The following AGTPBP1 variants were observed in gnomAD, a reference collection of about 807,000 sequenced individuals.
The protein encoded by AGTPBP1 is cytosolic carboxypeptidase 1.
AGTPBP1 carries 70 observed loss-of-function variants against 143.9 expected under a neutral mutation model. The observed-to-expected ratio is 0.49, with a 90% CI of 0.40 to 0.59. The LOEUF is 0.59. Among genes scored for constraint, AGTPBP1 ranks in the 20% least tolerant of loss-of-function variants. The pLI is 0.00. For missense variants in AGTPBP1, 1,229 were observed against 1,464.5 expected, an observed-to-expected ratio of 0.84 and a Z score of 2.62; for synonymous variants, 463 against 500.2, an observed-to-expected ratio of 0.93 and a Z score of 0.99.
At chr9:85,659,178 T>A (rs1338328706) in intron 9 of AGTPBP1, among the ~76,000 whole-genome samples, 1 of 152,196 alleles carries the variant, frequency 6.6e-6, no homozygotes, top group East Asian at 1.9e-4. Flanking sequence ...CAGAGCTACA[T>A]GCAATCTGTG....
intron 2 of AGTPBP1, among the ~76,000 whole-genome samples, chr9:85,712,218 C>T (rs1239975058): frequency 6.6e-6 from 1 of 152,052 alleles, no homozygotes; most frequent in East Asian, 1.9e-4. Context: ...GAGCCGAGAT[C>T]GTGCCACTGC....
At chr9:85,650,005 A>C (rs112531765) in intron 11 of AGTPBP1, among the ~76,000 whole-genome samples, 12 of 130,080 alleles carry the variant, frequency 9.2e-5, no homozygotes, top group African/African-American at 3.5e-4. Flanking sequence ...ATCTTACCAG[A>C]TTGTGTTTTC....
chr9:85,769,913 C>T, the AGTPBP1 span, among the ~76,000 whole-genome samples: 1 of 152,262 alleles, frequency 6.6e-6, no homozygotes, highest in Non-Finnish European at 1.5e-5. Flanking sequence ...ATCCTGTGGG[C>T]TTAGGCTTTG....
intron 1 of AGTPBP1, among the ~76,000 whole-genome samples, chr9:85,734,552 A>G (rs1027843924): frequency 1.3e-5 from 2 of 152,226 alleles, no homozygotes; most frequent in African/African-American, 4.8e-5. Flanking sequence ...AAACTACAAG[A>G]TATCACTTCG....
At chr9:85,560,853 T>A (rs1826665891) in intron 25 of AGTPBP1, among the ~76,000 whole-genome samples, 2 of 152,130 alleles carry the variant, frequency 1.3e-5, no homozygotes, top group South Asian at 4.1e-4. Flanking sequence ...AGTGAAAAGA[T>A]CATACGCAAA....
the AGTPBP1 span, chr9:85,773,971 G>A: frequency 4.7e-4 from 755 of 1,610,286 alleles, 7 homozygotes; most frequent in South Asian, 7.7e-3. Context: ...CAGTGTGACC[G>A]GAGACTGACC....
At chr9:85,672,214 G>T (rs111228540) in intron 7 of AGTPBP1, among the ~76,000 whole-genome samples, 3 of 151,940 alleles carry the variant, frequency 2.0e-5, no homozygotes, top group Non-Finnish European at 2.9e-5. Context: ...AGGATTAGGC[G>T]CCCACCACCA....
intron 9 of AGTPBP1, 145 bp downstream of exon 9, chr9:85,660,791 T>G (rs1328427209): frequency 1.7e-6 from 1 of 602,412 alleles, no homozygotes; most frequent in African/African-American, 1.9e-5. Context: ...TCAACTACAC[T>G]AAAAGGAAAA....
intron 8 of AGTPBP1, among the ~76,000 whole-genome samples, chr9:85,666,341 C>T (rs1834132239): frequency 1.3e-5 from 2 of 152,098 alleles, no homozygotes; most frequent in South Asian, 4.1e-4. Context: ...CCTCCAAATA[C>T]AACTCTTCCT....
At chr9:85,620,632 GAT>G (rs1830873634) in intron 15 of AGTPBP1, among the ~76,000 whole-genome samples, 1 of 151,992 alleles carries the variant, frequency 6.6e-6, no homozygotes, top group Non-Finnish European at 1.5e-5. Flanking sequence ...AAAATGTGAT[GAT>G]ATCAGTGACA....
intron 10 of AGTPBP1, among the ~76,000 whole-genome samples, chr9:85,655,544 T>C (rs980641199): frequency 6.6e-6 from 1 of 152,116 alleles, no homozygotes; most frequent in Non-Finnish European, 1.5e-5. Flanking sequence ...TTTCCTTAAA[T>C]ATTTTCACTA....
At chr9:85,636,090 A>C (rs555377837) in intron 13 of AGTPBP1, among the ~76,000 whole-genome samples, 1 of 152,140 alleles carries the variant, frequency 6.6e-6, no homozygotes, top group South Asian at 2.1e-4. Flanking sequence ...AAGAAAAGAA[A>C]CCTAAACATA....
rs138295974 is a variant in AGTPBP1, at chr9:85,562,018, G to C, written c.3503+13297C>G. Among the ~76,000 whole-genome samples, 1,494 of 151,948 alleles carry C rather than the reference G, an allele frequency of 9.8e-3. 15 individuals are homozygous for C. Among genetic ancestry groups the C allele is most frequent in the Non-Finnish European group, 0.013 (903 of 67,958 alleles). On this transcript the variant is annotated intron_variant, in intron 25 of 25. Coordinates refer to ENST00000357081, the MANE Select transcript of AGTPBP1 (RefSeq NM_001330701.2). ...AGCTAATTTTCATATTTTTAGTAGAGATGGGGTTTCACCATCTTGGCCAGG... is the reference window on the plus strand; with the variant it reads ...AGCTAATTTTCATATTTTTAGTAGACATGGGGTTTCACCATCTTGGCCAGG...
At chr9:85,789,413 A>G in the AGTPBP1 span, among the ~76,000 whole-genome samples, 246 of 152,248 alleles carry the variant, frequency 1.6e-3, no homozygotes, top group African/African-American at 5.6e-3. Context: ...GCATGTATAT[A>G]AAATGTTTGT....
the AGTPBP1 span, among the ~76,000 whole-genome samples, chr9:85,756,698 A>T: frequency 7.9e-3 from 1,204 of 152,322 alleles, 17 homozygotes; most frequent in African/African-American, 0.028. Context: ...AAAACAACAC[A>T]AATGATCATC....
intron 23 of AGTPBP1, among the ~76,000 whole-genome samples, chr9:85,582,986 C>T (rs891926842): frequency 6.6e-6 from 1 of 151,998 alleles, no homozygotes; most frequent in African/African-American, 2.4e-5. Context: ...ATCTTAGTGG[C>T]CCTTACCATC....
chr9:85,648,343 C>G (rs1832943614), intron 11 of AGTPBP1, among the ~76,000 whole-genome samples: 2 of 152,068 alleles, frequency 1.3e-5, no homozygotes, highest in African/African-American at 4.8e-5. Flanking sequence ...AATACAGGTA[C>G]AAATATAAAA....
chr9:85,737,033 T>C (rs1588009123), intron 1 of AGTPBP1, among the ~76,000 whole-genome samples: 1 of 152,118 alleles, frequency 6.6e-6, no homozygotes, highest in East Asian at 1.9e-4. Context: ...GTTAAGCCAG[T>C]AAGCGGAGCT....
chr9:85,748,208 C>T, the AGTPBP1 span, among the ~76,000 whole-genome samples: 3 of 152,210 alleles, frequency 2.0e-5, no homozygotes, highest in East Asian at 1.9e-4. Flanking sequence ...TACTGTGCAT[C>T]CAGCACAGTT....
Sources: gnomAD v4.1 joint callset for allele counts (sites outside exome capture counted in the v4.1 genomes callset) on GRCh38, gnomAD v4.1.1 for gene constraint, MANE v1.5 for transcripts, NCBI Gene and HGNC (gene_info 2026-07-23, HGNC 2026-07-21) for gene names.